Variants in SDK1 observed in about 807,000 individuals in gnomAD.
SDK1 encodes the protein protein sidekick-1.
A neutral mutation model predicts 245.5 loss-of-function variants in SDK1; 157 were observed. The ratio of observed to expected loss-of-function variants is 0.64; its 90% CI spans 0.56 to 0.73. The LOEUF is 0.73. SDK1 is among the 30% of genes least tolerant of loss of function. The pLI is 0.00. For synonymous variants in SDK1, 1,647 were observed against 1,278.5 expected, an observed-to-expected ratio of 1.29 and a Z score of -6.15; for missense variants, 3,583 against 3,002.3, an observed-to-expected ratio of 1.19 and a Z score of -4.52.
chr7:3,619,523 C>G (rs1485309552), intron 2 of SDK1, among the ~76,000 whole-genome samples: 2 of 152,178 alleles, frequency 1.3e-5, no homozygotes, highest in East Asian at 3.8e-4. Flanking sequence ...CCAATAACAG[C>G]TTTGGTATGA....
chr7:4,177,656 G>T (rs1275117527), intron 34 of SDK1, among the ~76,000 whole-genome samples: 1 of 152,244 alleles, frequency 6.6e-6, no homozygotes, highest in African/African-American at 2.4e-5. Flanking sequence ...TTTGACACCA[G>T]GGGTGGGTTT....
chr7:3,457,171 G>C (rs375507987), intron 1 of SDK1, among the ~76,000 whole-genome samples: 3 of 152,042 alleles, frequency 2.0e-5, no homozygotes, highest in Non-Finnish European at 4.4e-5. Context: ...TGTTTGGTCC[G>C]GGCAAGGAGT....
chr7:3,798,857 A>G (rs1214403164), intron 4 of SDK1, among the ~76,000 whole-genome samples: 3 of 152,208 alleles, frequency 2.0e-5, no homozygotes, highest in Non-Finnish European at 4.4e-5. Flanking sequence ...TTGCGTAGAT[A>G]CTTGGAGGTT....
intron 1 of SDK1, among the ~76,000 whole-genome samples, chr7:3,556,097 C>T (rs879405343): frequency 9.2e-5 from 14 of 152,218 alleles, no homozygotes; most frequent in South Asian, 8.3e-4. Flanking sequence ...ATCAGTATAC[C>T]GAAGAGGTAT....
At chr7:4,234,235 G>A (rs961164227) in intron 41 of SDK1, among the ~76,000 whole-genome samples, 3 of 152,166 alleles carry the variant, frequency 2.0e-5, no homozygotes, top group South Asian at 2.1e-4. Flanking sequence ...AGGTACTGCC[G>A]ATCCCAGGCT....
intron 30 of SDK1, among the ~76,000 whole-genome samples, chr7:4,156,770 G>T (rs1780762114): frequency 6.6e-6 from 1 of 152,220 alleles, no homozygotes; most frequent in Admixed American, 6.5e-5. Context: ...TGGGGGCTGT[G>T]TGGGCCTCTG....
chr7:3,841,557 A>AT (rs755906031), intron 5 of SDK1, among the ~76,000 whole-genome samples: 1 of 150,140 alleles, frequency 6.7e-6, no homozygotes, highest in Non-Finnish European at 1.5e-5. Context: ...TTATCAGATT[A>AT]TTTTTTTCTC....
intron 1 of SDK1, among the ~76,000 whole-genome samples, chr7:3,492,311 G>T (rs570655390): frequency 3.3e-5 from 5 of 152,132 alleles, no homozygotes; most frequent in East Asian, 3.9e-4. Flanking sequence ...TGGCTAACAC[G>T]GTGAAACCCC....
Position 4,235,946 on chromosome 7 carries a change from T to G in SDK1, c.5993-1701T>G, listed in dbSNP as rs113837332. Among the ~76,000 whole-genome samples, 975 of 152,376 alleles carry G rather than the reference T, an allele frequency of 6.4e-3. 3 individuals are homozygous for G. The highest frequency in any genetic ancestry group is 1.0e-2 in the Non-Finnish European group (678 of 68,040). Reference sequence around the variant, plus strand: ...TGGGGTCAGGCCCACTCCGGGCCAGTTGCCCGGTGGTGTAAGTGTGGCATG... The same window carrying G: ...TGGGGTCAGGCCCACTCCGGGCCAGGTGCCCGGTGGTGTAAGTGTGGCATG... On this transcript the variant is annotated intron_variant, in intron 41 of 44. Transcript: ENST00000404826.
intron 17 of SDK1, among the ~76,000 whole-genome samples, chr7:4,035,729 A>G (rs562213557): frequency 6.6e-6 from 1 of 152,338 alleles, no homozygotes; most frequent in East Asian, 1.9e-4. Context: ...GGATAAACAC[A>G]TGATTGCAGG....
chr7:3,801,666 C>T (rs768614509), intron 4 of SDK1, among the ~76,000 whole-genome samples: 2 of 152,178 alleles, frequency 1.3e-5, no homozygotes, highest in Non-Finnish European at 2.9e-5. Context: ...CTGGTGAGTT[C>T]TAGATGCTGT....
intron 24 of SDK1, 145 bp downstream of exon 24, chr7:4,113,584 T>C: frequency 2.2e-6 from 2 of 925,716 alleles, no homozygotes; most frequent in Non-Finnish European, 1.6e-6. Flanking sequence ...AGTATTGCAT[T>C]TTACAATTAG....
intron 4 of SDK1, among the ~76,000 whole-genome samples, chr7:3,719,548 G>T (rs1343848055): frequency 6.6e-6 from 1 of 152,196 alleles, no homozygotes; most frequent in Non-Finnish European, 1.5e-5. Context: ...TGAAGAAAAG[G>T]TGGCCTTTAC....
intron 14 of SDK1, among the ~76,000 whole-genome samples, chr7:4,006,501 C>A (rs1241930792): frequency 6.6e-6 from 1 of 152,154 alleles, no homozygotes; most frequent in Non-Finnish European, 1.5e-5. Context: ...AGGGATGTTG[C>A]TTATTGATTG....
At chr7:4,251,954 C>T (rs1787329427) in intron 44 of SDK1, among the ~76,000 whole-genome samples, 1 of 152,064 alleles carries the variant, frequency 6.6e-6, no homozygotes, top group Admixed American at 6.6e-5. Flanking sequence ...TGTTTTTTGT[C>T]CTTTGTTCTA....
chr7:3,694,973 A>C (rs1204400851), intron 4 of SDK1, among the ~76,000 whole-genome samples: 1 of 152,218 alleles, frequency 6.6e-6, no homozygotes, highest in East Asian at 1.9e-4. Context: ...TGATCTACCA[A>C]ACATGAAAAT....
At chr7:4,033,087 A>T (rs1787950901) in intron 17 of SDK1, among the ~76,000 whole-genome samples, 1 of 152,242 alleles carries the variant, frequency 6.6e-6, no homozygotes, top group Non-Finnish European at 1.5e-5. Flanking sequence ...GCTGTAACTA[A>T]AATGGTGTGT....
chr7:4,201,325 T>C (rs1305432019), intron 35 of SDK1, among the ~76,000 whole-genome samples: 3 of 152,162 alleles, frequency 2.0e-5, no homozygotes, highest in South Asian at 4.1e-4. Flanking sequence ...GGGGAGCAGA[T>C]TGCGAGCAAG....
intron 1 of SDK1, among the ~76,000 whole-genome samples, chr7:3,330,024 C>G (rs1411329529): frequency 6.6e-6 from 1 of 152,166 alleles, no homozygotes; most frequent in African/African-American, 2.4e-5. Context: ...AAGTAGATGT[C>G]TATACTTCAT....
Sources: allele counts gnomAD v4.1 joint callset (sites outside exome capture counted in the v4.1 genomes callset), GRCh38; gene constraint gnomAD v4.1.1; transcripts MANE v1.5; gene names NCBI Gene and HGNC (gene_info 2026-07-23, HGNC 2026-07-21).